Variants in LEF1 observed in about 807,000 individuals in gnomAD.
LEF1 encodes lymphoid enhancer-binding factor 1.
Under a neutral mutation model 51.2 loss-of-function variants are expected in LEF1, and 14 were observed. The observed-to-expected ratio is 0.27, with a 90% CI of 0.18 to 0.43. The LOEUF is 0.43. LEF1 is among the 20% of genes least tolerant of loss of function. LEF1 has a pLI of 1.00. For synonymous variants in LEF1, 185 were observed against 183.2 expected, an observed-to-expected ratio of 1.01 and a Z score of -0.08; for missense variants, 386 against 512.0, an observed-to-expected ratio of 0.75 and a Z score of 2.37.
intron 3 of LEF1, among the ~76,000 whole-genome samples, chr4:108,132,975 C>T (rs1030170740): frequency 1.3e-5 from 2 of 151,042 alleles, no homozygotes; most frequent in Admixed American, 1.3e-4. Context: ...ATCTGCATTT[C>T]TTTTTTTTCT....
intron 3 of LEF1, among the ~76,000 whole-genome samples, chr4:108,104,214 T>C (rs1298241786): frequency 4.0e-5 from 6 of 151,868 alleles, no homozygotes; most frequent in African/African-American, 1.5e-4. Context: ...GGCAAAGTCA[T>C]AGTAACAAAG....
At chr4:108,128,828 T>TA (rs1742698909) in intron 3 of LEF1, among the ~76,000 whole-genome samples, 1 of 152,148 alleles carries the variant, frequency 6.6e-6, no homozygotes, top group Non-Finnish European at 1.5e-5. Context: ...GCAGTACAGT[T>TA]AAATATATTT....
intron 3 of LEF1, among the ~76,000 whole-genome samples, chr4:108,146,948 C>T (rs1744031745): frequency 6.6e-6 from 1 of 152,144 alleles, no homozygotes; most frequent in African/African-American, 2.4e-5. Context: ...CCTTAGTCTA[C>T]ACAACAGTCC....
At chr4:108,065,725 ATT>A (rs886574871) in intron 9 of LEF1, among the ~76,000 whole-genome samples, 13 of 152,264 alleles carry the variant, frequency 8.5e-5, no homozygotes, top group African/African-American at 2.9e-4. Context: ...TAAAAAAATT[ATT>A]TGTTAATTTG....
intron 3 of LEF1, among the ~76,000 whole-genome samples, chr4:108,117,617 G>A (rs893688276): frequency 3.9e-5 from 6 of 152,210 alleles, no homozygotes; most frequent in East Asian, 1.9e-4. Flanking sequence ...TCTTGCAGCC[G>A]GCTGAGTGTC....
Position 108,166,489 on chromosome 4 carries a change from G to A in LEF1, c.213+1066C>T, listed in dbSNP as rs147507334. On this transcript the variant is annotated intron_variant, in intron 1 of 11. Transcript: ENST00000265165. ...ACTTTTCTACCGGATTTCCTCCAGA[G>A]GGTTTCCCAGTTGTGGAACAAGGGT... 4.9e-4 allele frequency: 674 copies of A among 1,371,894 alleles called. 7 individuals carry two copies. The East Asian group carries it at 0.014, about 28-fold the overall frequency. The allele number at this position is 1,371,894 out of a possible 1,614,324, so 85.0% of individuals were successfully genotyped here.
At chr4:108,109,876 G>C (rs113279984) in intron 3 of LEF1, among the ~76,000 whole-genome samples, 71 of 152,104 alleles carry the variant, frequency 4.7e-4, no homozygotes, top group Middle Eastern at 3.2e-3. Flanking sequence ...GGCACAGCAG[G>C]TCTACAAAAT....
chr4:108,125,228 A>G (rs1742450378), intron 3 of LEF1, among the ~76,000 whole-genome samples: 1 of 152,118 alleles, frequency 6.6e-6, no homozygotes, highest in African/African-American at 2.4e-5. Flanking sequence ...CAGTGGCGCA[A>G]TCTCAGCTCA....
At chr4:108,077,297 A>G (rs1427336658) in intron 8 of LEF1, among the ~76,000 whole-genome samples, 1 of 149,090 alleles carries the variant, frequency 6.7e-6, no homozygotes, top group African/African-American at 2.5e-5. Context: ...CGCCCAACTG[A>G]CTGGGAAGTG....
intron 3 of LEF1, among the ~76,000 whole-genome samples, chr4:108,130,366 A>C (rs1475367078): frequency 6.6e-6 from 1 of 152,146 alleles, no homozygotes; most frequent in Non-Finnish European, 1.5e-5. Flanking sequence ...GTTACTTGCC[A>C]GTCCTATGAT....
intron 3 of LEF1, among the ~76,000 whole-genome samples, chr4:108,091,919 T>C (rs1187162670): frequency 6.6e-6 from 1 of 152,206 alleles, no homozygotes; most frequent in African/African-American, 2.4e-5. Flanking sequence ...AAAAGTCTCA[T>C]AAATAAGCAT....
intron 5 of LEF1, among the ~76,000 whole-genome samples, chr4:108,082,838 C>T (rs1739398735): frequency 6.6e-6 from 1 of 152,028 alleles, no homozygotes; most frequent in African/African-American, 2.4e-5. Context: ...AAGAAGGCCC[C>T]CAAATCAGTT....
chr4:108,068,248 CAA>C (rs1053174591), intron 9 of LEF1, among the ~76,000 whole-genome samples: 7 of 151,964 alleles, frequency 4.6e-5, no homozygotes, highest in African/African-American at 1.7e-4. Context: ...GCCTGGGCAA[CAA>C]GAGCGAATCT....
chr4:108,084,270 T>C (rs1439765441), intron 4 of LEF1, among the ~76,000 whole-genome samples: 1 of 152,098 alleles, frequency 6.6e-6, no homozygotes, highest in Admixed American at 6.5e-5. Flanking sequence ...ATTCAATGTG[T>C]TTGGGGGAAA....
intron 11 of LEF1, among the ~76,000 whole-genome samples, chr4:108,052,312 A>G (rs1045370508): frequency 3.3e-5 from 5 of 152,254 alleles, no homozygotes; most frequent in African/African-American, 1.2e-4. Context: ...GTGAGTTGGA[A>G]TAAAAGACCC....
chr4:108,096,993 A>C (rs1024327920), intron 3 of LEF1, among the ~76,000 whole-genome samples: 1 of 152,198 alleles, frequency 6.6e-6, no homozygotes, highest in Admixed American at 6.6e-5. Flanking sequence ...CTGCTGGTGG[A>C]AATGTAAATT....
At chr4:108,054,740 T>C (rs1035562720) in intron 11 of LEF1, among the ~76,000 whole-genome samples, 4 of 152,172 alleles carry the variant, frequency 2.6e-5, no homozygotes, top group African/African-American at 9.7e-5. Flanking sequence ...AAAAGCATGA[T>C]GCTAGCTGAG....
At chr4:108,149,458 C>CAAAAAAAAAAAAAAAAAAAAA (rs371482539) in intron 3 of LEF1, among the ~76,000 whole-genome samples, 19 of 60,580 alleles carry the variant, frequency 3.1e-4, no homozygotes, top group South Asian at 6.9e-4. Flanking sequence ...GACTCCGTCT[C>CAAAAAAAAAAAAAAAAAAAAA]AAAAAAAAAA....
At chr4:108,123,869 A>G (rs1293324700) in intron 3 of LEF1, among the ~76,000 whole-genome samples, 1 of 152,146 alleles carries the variant, frequency 6.6e-6, no homozygotes, top group Non-Finnish European at 1.5e-5. Context: ...GGCCAGGTGC[A>G]GTGGCTCATG....
Sources: gnomAD v4.1 joint callset for allele counts (sites outside exome capture counted in the v4.1 genomes callset) on GRCh38, gnomAD v4.1.1 for gene constraint, MANE v1.5 for transcripts, NCBI Gene and HGNC (gene_info 2026-07-23, HGNC 2026-07-21) for gene names.